Variants in DLG2 observed in about 807,000 individuals in gnomAD.
DLG2 encodes the protein disks large homolog 2.
Under a neutral mutation model 132.5 loss-of-function variants are expected in DLG2, and 45 were observed. The ratio of observed to expected loss-of-function variants is 0.34; its 90% CI spans 0.27 to 0.44. The LOEUF (loss-of-function observed/expected upper bound fraction) is 0.44. Among genes scored for constraint, DLG2 ranks in the 20% least tolerant of loss-of-function variants. The pLI is 1.00. For missense variants in DLG2, 1,045 were observed against 1,196.9 expected (o/e 0.87, Z 1.87); for synonymous variants, 424 against 419.6 (o/e 1.01, Z -0.13).
chr11:84,253,664 A>G (rs1362486860), intron 7 of DLG2, among the ~76,000 whole-genome samples: 1 of 152,190 alleles, frequency 6.6e-6, no homozygotes, highest in Non-Finnish European at 1.5e-5. Context: ...AGTATGTATT[A>G]CCATTTATTA....
chr11:83,768,819 G>A (rs989225440), intron 18 of DLG2, among the ~76,000 whole-genome samples: 2 of 152,214 alleles, frequency 1.3e-5, no homozygotes, highest in African/African-American at 4.8e-5. Context: ...TGAGGAATAG[G>A]TGAGGACCCA....
At chr11:84,851,083 A>T (rs1317102523) in intron 6 of DLG2, among the ~76,000 whole-genome samples, 1 of 152,136 alleles carries the variant, frequency 6.6e-6, no homozygotes, top group Non-Finnish European at 1.5e-5. Flanking sequence ...AAAACAGAAC[A>T]TATCATGTAA....
intron 17 of DLG2, among the ~76,000 whole-genome samples, chr11:83,820,549 TG>T (rs1456077383): frequency 6.6e-6 from 1 of 152,164 alleles, no homozygotes; most frequent in East Asian, 1.9e-4. Flanking sequence ...GTCCAGACCT[TG>T]GTACCTGCTT....
At chr11:84,983,330 C>T (rs1021968390) in intron 6 of DLG2, among the ~76,000 whole-genome samples, 10 of 152,136 alleles carry the variant, frequency 6.6e-5, no homozygotes, top group African/African-American at 2.4e-4. Context: ...ATGTAGACAA[C>T]CCGCATTATC....
At chr11:83,734,244 C>T (rs1373457944) in intron 18 of DLG2, among the ~76,000 whole-genome samples, 6 of 152,136 alleles carry the variant, frequency 3.9e-5, no homozygotes, top group African/African-American at 1.2e-4. Context: ...TCTGGCATAT[C>T]TGAGTAACCT....
chr11:83,506,303 G>A (rs2094695660), intron 21 of DLG2, among the ~76,000 whole-genome samples: 1 of 152,118 alleles, frequency 6.6e-6, no homozygotes. Flanking sequence ...AGTCCCTAGT[G>A]GGCCCAAATC....
chr11:85,496,209 T>A (rs565758623), intron 3 of DLG2, among the ~76,000 whole-genome samples: 20 of 152,248 alleles, frequency 1.3e-4, no homozygotes, highest in African/African-American at 4.8e-4. Flanking sequence ...ATACTGCACT[T>A]TTCCCACAGT....
intron 19 of DLG2, among the ~76,000 whole-genome samples, chr11:83,607,493 A>G (rs2059520819): frequency 6.6e-6 from 1 of 152,180 alleles, no homozygotes; most frequent in Non-Finnish European, 1.5e-5. Flanking sequence ...CCTCCCGTCC[A>G]TCCACGACAG....
chr11:83,478,277 G>C (rs754578097), intron 22 of DLG2, among the ~76,000 whole-genome samples: 1 of 151,868 alleles, frequency 6.6e-6, no homozygotes, highest in Non-Finnish European at 1.5e-5. Flanking sequence ...TCTTACTTTT[G>C]TTCATTTGTA....
intron 4 of DLG2, among the ~76,000 whole-genome samples, chr11:85,256,467 G>A (rs1452560256): frequency 6.6e-6 from 1 of 152,180 alleles, no homozygotes; most frequent in Admixed American, 6.5e-5. Flanking sequence ...TAAGGACCCA[G>A]GTAGCAAGAG....
At chr11:85,601,949 A>G (rs2080193590) in intron 2 of DLG2, among the ~76,000 whole-genome samples, 1 of 152,296 alleles carries the variant, frequency 6.6e-6, no homozygotes, top group East Asian at 1.9e-4. Context: ...AAATATTACC[A>G]GCACCCTCAA....
intron 18 of DLG2, among the ~76,000 whole-genome samples, chr11:83,739,406 A>T (rs1330937384): frequency 6.6e-6 from 1 of 152,186 alleles, no homozygotes; most frequent in Non-Finnish European, 1.5e-5. Context: ...GCAGATAATT[A>T]AAAAGAACAT....
At chr11:84,749,735 T>A (rs1027526799) in intron 6 of DLG2, among the ~76,000 whole-genome samples, 1 of 152,146 alleles carries the variant, frequency 6.6e-6, no homozygotes, top group African/African-American at 2.4e-5. Flanking sequence ...TAAAAAAATA[T>A]ATATAAGGAA....
chr11:84,853,652 C>T (rs149880986), intron 6 of DLG2, among the ~76,000 whole-genome samples: 404 of 152,108 alleles, frequency 2.7e-3, no homozygotes, highest in Non-Finnish European at 4.4e-3. Flanking sequence ...ATGCTTTCCT[C>T]TGCCACATGA....
intron 17 of DLG2, among the ~76,000 whole-genome samples, chr11:83,807,371 C>T (rs1003483200): frequency 6.6e-6 from 1 of 152,134 alleles, no homozygotes; most frequent in Non-Finnish European, 1.5e-5. Flanking sequence ...TCTTTCCAGC[C>T]TCCCAATTTA....
chr11:83,539,979 C>T (rs1005060204), intron 20 of DLG2, among the ~76,000 whole-genome samples: 4 of 152,152 alleles, frequency 2.6e-5, no homozygotes, highest in African/African-American at 9.7e-5. Flanking sequence ...CTGTATAGTT[C>T]AACCCCTGTA....
chr11:84,859,323 C>T (rs1179648023), intron 6 of DLG2, among the ~76,000 whole-genome samples: 2 of 137,016 alleles, frequency 1.5e-5, no homozygotes, highest in African/African-American at 5.1e-5. Flanking sequence ...ATATGTATAT[C>T]TACATATATA....
chr11:83,940,637 G>C (rs1379006456), intron 14 of DLG2, among the ~76,000 whole-genome samples: 1 of 152,086 alleles, frequency 6.6e-6, no homozygotes, highest in African/African-American at 2.4e-5. Context: ...CTTGCCCTCA[G>C]TGATCTGATT....
chr11:85,069,615 A>G (rs1306027986), intron 6 of DLG2, among the ~76,000 whole-genome samples: 2 of 152,168 alleles, frequency 1.3e-5, no homozygotes, highest in Admixed American at 6.5e-5. Context: ...ACCATCTCAC[A>G]ACCGTTAGAA....
Sources: gnomAD v4.1 joint callset for allele counts (sites outside exome capture counted in the v4.1 genomes callset) on GRCh38, gnomAD v4.1.1 for gene constraint, MANE v1.5 for transcripts, NCBI Gene and HGNC (gene_info 2026-07-23, HGNC 2026-07-21) for gene names.